Variants in CREBRF observed in about 807,000 individuals in gnomAD.
CREBRF encodes the protein UPF0474 protein C5orf41.
In CREBRF, 5 loss-of-function variants were observed where a neutral mutation model predicts 66.1. That is an observed-to-expected ratio of 0.08 (90% CI 0.04 to 0.16). The LOEUF is 0.16. CREBRF is among the 10% of genes least tolerant of loss of function. The probability of loss-of-function intolerance (pLI) is 1.00; values close to 1 mark genes in which losing one functional copy is unlikely to be tolerated. For synonymous variants in CREBRF, 229 were observed against 264.4 expected, an observed-to-expected ratio of 0.87 and a Z score of 1.30; for missense variants, 531 against 744.9, an observed-to-expected ratio of 0.71 and a Z score of 3.34.
At chr5:173,133,115 T>A (rs1372173547) in intron 8 of CREBRF, among the ~76,000 whole-genome samples, 1 of 152,222 alleles carries the variant, frequency 6.6e-6, no homozygotes, top group Admixed American at 6.5e-5. Flanking sequence ...TTCCAACATT[T>A]CTTATTCGTT....
At position 173,090,399 on chromosome 5, in the gene CREBRF, T is replaced by C; in HGVS notation, c.220T>C (p.Phe74Leu). 3 of 1,613,904 alleles carry C rather than the reference T, an allele frequency of 1.9e-6. No homozygotes were observed. The highest frequency in any genetic ancestry group is 2.5e-6 in the Non-Finnish European group (3 of 1,179,810). Residue 74 changes from phenylalanine (F) to leucine (L), a missense_variant, in exon 4 of 9, where the codon TTC becomes CTC. Phe to Leu is a conservative substitution (Grantham distance 22, BLOSUM62 0). Coordinates refer to ENST00000296953, the MANE Select transcript of CREBRF (RefSeq NM_153607.3). The surrounding 1 kb of genome is among the most constrained non-coding windows in gnomAD (Gnocchi z 4.5). ...DCKDIENLES[F>L]TDVLDNEGAL... ...CAAAGACATTGAAAATCTGGAGTCT[T>C]TCACAGATGTCCTGGATAATGAGGG...
chr5:173,109,013 C>T, intron 5 of CREBRF, 195 bp downstream of exon 5: 1 of 543,714 alleles, frequency 1.8e-6, no homozygotes, highest in South Asian at 2.8e-5. Context: ...GAGTCCTCAC[C>T]TAAGTGGAGA....
At chr5:173,061,696 T>C (rs1484364463) in intron 1 of CREBRF, among the ~76,000 whole-genome samples, 4 of 152,200 alleles carry the variant, frequency 2.6e-5, no homozygotes, top group African/African-American at 9.7e-5. Flanking sequence ...CATTGAGTGC[T>C]CATTGCCTGA....
At chr5:173,088,377 T>A (rs1202312430) in intron 3 of CREBRF, among the ~76,000 whole-genome samples, 1 of 131,568 alleles carries the variant, frequency 7.6e-6, no homozygotes, top group African/African-American at 2.9e-5. Flanking sequence ...TAATCCCAGC[T>A]ACTCAGGAGG....
At chr5:173,059,166 G>A (rs251251) in intron 1 of CREBRF, among the ~76,000 whole-genome samples, 73,114 of 151,618 alleles carry the variant, frequency 0.48, 18,834 homozygotes, top group Non-Finnish European at 0.58. Flanking sequence ...ACATAAAAAC[G>A]TAATCCCTGA....
At chr5:173,085,617 A>G (rs1162735015) in intron 2 of CREBRF, 3 of 587,678 alleles carry the variant, frequency 5.1e-6, no homozygotes, top group South Asian at 1.9e-5. Context: ...GGGCTTCACC[A>G]TCTTGGCCAG....
At chr5:173,076,405 C>T (rs1205666588) in intron 1 of CREBRF, among the ~76,000 whole-genome samples, 1 of 152,102 alleles carries the variant, frequency 6.6e-6, no homozygotes, top group African/African-American at 2.4e-5. Context: ...TTCCTTTCTT[C>T]CTCTTTCAAC....
At chr5:173,121,279 A>G (rs952600982) in intron 7 of CREBRF, among the ~76,000 whole-genome samples, 1 of 149,442 alleles carries the variant, frequency 6.7e-6, no homozygotes, top group African/African-American at 2.5e-5. Flanking sequence ...TGTTACATAC[A>G]TTTCTGCTCT....
At chr5:173,060,978 C>T (rs1196038385) in intron 1 of CREBRF, among the ~76,000 whole-genome samples, 5 of 152,016 alleles carry the variant, frequency 3.3e-5, no homozygotes, top group African/African-American at 4.8e-5. Context: ...TTTGTTTGTT[C>T]GTTTTTTGAG....
At chr5:173,108,041 A>G (rs1758789903) in intron 4 of CREBRF, among the ~76,000 whole-genome samples, 3 of 149,908 alleles carry the variant, frequency 2.0e-5, no homozygotes, top group South Asian at 4.5e-4. Flanking sequence ...CATGTTGGCC[A>G]GGTTGGTCTC....
chr5:173,118,295 T>C (rs948270612), intron 7 of CREBRF, among the ~76,000 whole-genome samples: 2 of 152,230 alleles, frequency 1.3e-5, no homozygotes, highest in Admixed American at 6.5e-5. Context: ...ATTACAGGCA[T>C]GAGCCACCAT....
intron 1 of CREBRF, among the ~76,000 whole-genome samples, chr5:173,062,477 T>C (rs1426148786): frequency 6.6e-6 from 1 of 152,226 alleles, no homozygotes; most frequent in Non-Finnish European, 1.5e-5. Context: ...CTAAAATTGA[T>C]CCGTTCTTTT....
intron 8 of CREBRF, among the ~76,000 whole-genome samples, chr5:173,127,313 C>G (rs1056540649): frequency 3.3e-5 from 5 of 151,570 alleles, no homozygotes; most frequent in African/African-American, 1.2e-4. Context: ...CCATGTGCAG[C>G]TAATTTTTGT....
At chr5:173,061,030 C>T (rs1050346164) in intron 1 of CREBRF, among the ~76,000 whole-genome samples, 9 of 152,082 alleles carry the variant, frequency 5.9e-5, no homozygotes, top group African/African-American at 2.2e-4. Context: ...TGCAGTGGCA[C>T]GATCTCGGCT....
In CREBRF at chr5:173,109,064, T is replaced by G. The variant is rs1581033407; in HGVS notation, c.1417+246T>G. ...ACATTATTTCATTTCTAGTCCCTTCTTAATCTACCTACCCCATTCAGGAAA... is the reference window on the plus strand; with the variant it reads ...ACATTATTTCATTTCTAGTCCCTTCGTAATCTACCTACCCCATTCAGGAAA... On this transcript the variant is annotated intron_variant, in intron 5 of 8. Transcript: ENST00000296953. 2.7e-5 allele frequency: 11 copies of G among 414,480 alleles called. No homozygotes were observed. In the East Asian group the frequency reaches 4.6e-4, roughly 17 times the overall value. The allele number at this position is 414,480 out of a possible 1,614,324, so 25.7% of individuals were successfully genotyped here. A position where few individuals can be genotyped will look rare whatever the true frequency, so the allele number is the denominator to read the frequency against.
In CREBRF at chr5:173,088,489, CA is replaced by C. The variant is rs553969460; in HGVS notation, c.136-1808del. 6.8e-3 allele frequency among the ~76,000 whole-genome samples: 570 copies of C among 83,560 alleles called. 3 individuals carry two copies. The highest frequency in any genetic ancestry group is 0.026 in the African/African-American group (487 of 18,580). 54.8% of individuals were successfully genotyped at this position (83,560 alleles called of 152,430 possible). A position where few individuals can be genotyped will look rare whatever the true frequency, so the allele number is the denominator to read the frequency against. On this transcript the variant is annotated intron_variant, in intron 3 of 8. Transcript: ENST00000296953. The stretch of plus-strand genomic sequence containing the variant: ...GGGCAACAAGAGCAAGACCCCGTCT[CA>C]AAAAAAAAAAAAAAAAATGAATGCA...
intron 8 of CREBRF, among the ~76,000 whole-genome samples, chr5:173,131,759 G>A (rs1459411769): frequency 6.6e-6 from 1 of 151,966 alleles, no homozygotes; most frequent in Non-Finnish European, 1.5e-5. Flanking sequence ...TGGAGACGGA[G>A]TCTTGCTCTG....
chr5:173,105,649 G>A (rs1305861860), intron 4 of CREBRF, among the ~76,000 whole-genome samples: 1 of 151,932 alleles, frequency 6.6e-6, no homozygotes, highest in Non-Finnish European at 1.5e-5. Context: ...TGTATTTTTA[G>A]TAGAGATGGT....
At chr5:173,063,272 C>T (rs1276167844) in intron 1 of CREBRF, among the ~76,000 whole-genome samples, 1 of 152,182 alleles carries the variant, frequency 6.6e-6, no homozygotes, top group Admixed American at 6.5e-5. Context: ...AATCATCCTA[C>T]ACTCTGTCCT....
Sources: allele counts gnomAD v4.1 joint callset (sites outside exome capture counted in the v4.1 genomes callset), GRCh38; gene constraint gnomAD v4.1.1; non-coding constraint Gnocchi (gnomAD v3.1); transcripts MANE v1.5; gene names NCBI Gene and HGNC (gene_info 2026-07-23, HGNC 2026-07-21).